HSPA9: variants seen among roughly 807,000 people sequenced by gnomAD.
HSPA9 encodes stress-70 protein, mitochondrial.
A neutral mutation model predicts 81.5 loss-of-function variants in HSPA9; 28 were observed. The observed-to-expected ratio is 0.34, with a 90% CI of 0.25 to 0.47. The LOEUF is 0.47. Among genes scored for constraint, HSPA9 ranks in the 20% least tolerant of loss-of-function variants. The pLI is 1.00. For missense variants in HSPA9, 678 were observed against 838.0 expected, an observed-to-expected ratio of 0.81 and a Z score of 2.36; for synonymous variants, 293 against 290.4, an observed-to-expected ratio of 1.01 and a Z score of -0.09.
chr5:138,559,699 A>T (rs1750611183), intron 11 of HSPA9, 165 bp downstream of exon 11: 1 of 643,098 alleles, frequency 1.6e-6, no homozygotes, highest in African/African-American at 1.8e-5. Flanking sequence ...AAAAACAAAA[A>T]ACAAAACACA....
rs1750622133 is a variant in HSPA9, at chr5:138,560,106, A to G, written c.1183-15T>C. 1.2e-6 allele frequency: 2 copies of G among 1,604,578 alleles called. No homozygotes were observed. The highest frequency in any genetic ancestry group is 4.5e-5 in the East Asian group (2 of 44,820). On this transcript the variant is annotated splice_polypyrimidine_tract_variant and intron_variant, in intron 10 of 16. Transcript: ENST00000297185. The stretch of plus-strand genomic sequence containing the variant: ...GTCTGCTGAACCTGAACATCAAGGA[A>G]AAAGAACCTGTCGGCCCACACTTGG...
intron 5 of HSPA9, among the ~76,000 whole-genome samples, chr5:138,568,096 A>G (rs767794019): frequency 6.6e-6 from 1 of 151,744 alleles, no homozygotes; most frequent in Non-Finnish European, 1.5e-5. Flanking sequence ...GAGGCGGGAG[A>G]ATTGTTTGAA....
chr5:138,572,735 T>G, intron 3 of HSPA9, among the ~76,000 whole-genome samples: 1 of 152,266 alleles, frequency 6.6e-6, no homozygotes, highest in Non-Finnish European at 1.5e-5. Flanking sequence ...CACCAAGAGA[T>G]TATTCCTTCT....
At position 138,555,842 on chromosome 5, in the gene HSPA9, C is replaced by A; in HGVS notation, c.*195G>T. On this transcript the variant is annotated 3_prime_UTR_variant, in exon 17 of 17. Transcript: ENST00000297185. ...GGCTAGGGACATAGAATATTGTGAA[C>A]TTTATACTGTTAGAATCACTGTCCA... is the stretch of plus-strand genomic sequence containing the variant. The A allele has an allele frequency of 1.6e-6, 1 of 612,754 alleles. No individual in the cohort carries two copies. Among genetic ancestry groups the A allele is most frequent in the South Asian group, 2.0e-5 (1 of 50,386 alleles). The allele number at this position is 612,754 out of a possible 1,614,324, so 38.0% of individuals were successfully genotyped here.
intron 7 of HSPA9, 135 bp downstream of exon 7, chr5:138,567,315 AAGAAT>A: frequency 2.0e-6 from 2 of 1,000,848 alleles, no homozygotes; most frequent in South Asian, 1.4e-5. Context: ...AAGAAAAGAA[AAGAAT>A]GGTTTTGAAA....
In HSPA9 at chr5:138,568,781, G is replaced by A. The variant is rs980303150; in HGVS notation, c.535+144C>T. 19 of 813,374 alleles carry A rather than the reference G, an allele frequency of 2.3e-5. No individual in the cohort carries two copies. In the Admixed American group the frequency reaches 2.6e-4, roughly 11 times the overall value. 50.4% of individuals were successfully genotyped at this position (813,374 alleles called of 1,614,324 possible). ...ATTCAATCTGCAGGGAAAGCATGAA[G>A]TATAACACAGTTTTGCCATTCCTAG... On this transcript the variant is annotated intron_variant, in intron 5 of 16. Transcript: ENST00000297185.
chr5:138,566,906 G>T (rs1750778362), intron 8 of HSPA9, 95 bp downstream of exon 8: 2 of 1,309,708 alleles, frequency 1.5e-6, no homozygotes, highest in South Asian at 1.2e-5. Context: ...AGAATAAGGG[G>T]GTTGAACTGA....
rs968561157 is a variant in HSPA9 at position 138,557,557 on chromosome 5, C to G, written c.1634-61G>C. On this transcript the variant is annotated intron_variant, in intron 13 of 16. Transcript: ENST00000297185. ...GTAAAGTTATATGCCTCTTCTTCCT[C>G]CATTGCATTAAGAGTACTCCTGCTC... The G allele has an allele frequency of 5.0e-6, 5 of 992,438 alleles. No homozygotes were observed. The African/African-American group carries it at 6.3e-5, about 13-fold the overall frequency. The allele number at this position is 992,438 out of a possible 1,614,324, so 61.5% of individuals were successfully genotyped here.
intron 9 of HSPA9, among the ~76,000 whole-genome samples, chr5:138,564,616 T>C (rs1414383797): frequency 6.6e-6 from 1 of 152,232 alleles, no homozygotes; most frequent in Non-Finnish European, 1.5e-5. Flanking sequence ...TTGCCCAGGC[T>C]GGTCCCCAAT....
At position 138,555,680 on chromosome 5, in the gene HSPA9, CTA is replaced by C; in HGVS notation, c.*355_*356del. ...CCCCATATGTGGTCTCATTTCAAGT[CTA>C]TGGATGACTACCTTCATTGCTGTGT... On this transcript the variant is annotated 3_prime_UTR_variant, in exon 17 of 17. Transcript: ENST00000297185. The C allele has an allele frequency of 2.9e-6, 1 of 343,242 alleles. No homozygotes were observed. 21.3% of individuals were successfully genotyped at this position (343,242 alleles called of 1,614,324 possible).
At position 138,555,772 on chromosome 5, in the gene HSPA9, GATCA is replaced by G. The variant is rs1750506557; in HGVS notation, c.*261_*264del. 2 of 512,146 alleles carry G rather than the reference GATCA, an allele frequency of 3.9e-6. No individual in the cohort carries two copies. Among genetic ancestry groups the G allele is most frequent in the East Asian group, 7.4e-5 (2 of 27,160 alleles). 31.7% of individuals were successfully genotyped at this position (512,146 alleles called of 1,614,324 possible). ...CATAAAATAGTTAAATCTTTATAAT[GATCA>G]ATTCATCCTACCTCCTTTTACATGC... On this transcript the variant is annotated 3_prime_UTR_variant, in exon 17 of 17. Transcript: ENST00000297185.
chr5:138,566,538 C>T, intron 9 of HSPA9, 88 bp downstream of exon 9: 1 of 979,808 alleles, frequency 1.0e-6, no homozygotes, highest in Non-Finnish European at 1.7e-6. Flanking sequence ...ACTCAACTGA[C>T]ATTAGGCCAA....
chr5:138,566,544 G>A (rs529485555), intron 9 of HSPA9, 82 bp downstream of exon 9: 44 of 1,010,072 alleles, frequency 4.4e-5, no homozygotes, highest in Non-Finnish European at 6.6e-5. Context: ...CTGACATTAG[G>A]CCAATTAGAA....
rs1750662277 is a variant in HSPA9 at position 138,561,569 on chromosome 5, C to T, written c.1182+11G>A. The T allele has an allele frequency of 6.2e-7, 1 of 1,608,690 alleles. No homozygotes were observed. The highest frequency in any genetic ancestry group is 1.7e-5 in the Admixed American group (1 of 59,922). Reference sequence around the variant, plus strand: ...CCTCTCTCTCCACGACAGAATTCCACTGGTCCATACCTTGGGCATCCTAGT... The same window carrying T: ...CCTCTCTCTCCACGACAGAATTCCATTGGTCCATACCTTGGGCATCCTAGT... On this transcript the variant is annotated intron_variant, in intron 10 of 16. Coordinates refer to ENST00000297185, the MANE Select transcript of HSPA9 (RefSeq NM_004134.7).
At chr5:138,568,627 G>C (rs933849216) in intron 5 of HSPA9, among the ~76,000 whole-genome samples, 1 of 152,152 alleles carries the variant, frequency 6.6e-6, no homozygotes, top group Admixed American at 6.5e-5. Flanking sequence ...ACTTCAAATA[G>C]GAAGTTCTAA....
chr5:138,570,893 G>C (rs1750868355), intron 4 of HSPA9, 67 bp downstream of exon 4: 1 of 1,348,650 alleles, frequency 7.4e-7, no homozygotes, highest in East Asian at 2.3e-5. Flanking sequence ...TCATCAACAT[G>C]CTGAGGCTCT....
chr5:138,559,600 A>C, intron 11 of HSPA9: 1 of 432,158 alleles, frequency 2.3e-6, no homozygotes, highest in Admixed American at 3.5e-5. Context: ...CCCTTTTAGC[A>C]AATTATGTTA....
In HSPA9 at chr5:138,556,547, C is replaced by A; in HGVS notation, c.1867G>T (p.Ala623Ser). Residue 623 changes from alanine (A) to serine (S), a missense_variant, in exon 16 of 17, where the codon GCT becomes TCT. Transcript: ENST00000297185. ...EEISKMRELL[A>S]RKDSETGENI... is the part of the protein sequence containing the mutation. ...TCTCCTGTTTCGCTGTCTTTTCTAG[C>A]CAGGAGCTCCCTCATTTTGGAAATC... is the stretch of plus-strand genomic sequence containing the variant. 1.2e-6 allele frequency: 2 copies of A among 1,614,046 alleles called. No individual in the cohort carries two copies. Among genetic ancestry groups the A allele is most frequent in the South Asian group, 2.2e-5 (2 of 91,084 alleles).
chr5:138,575,378 C>T lies in HSPA9; in HGVS notation c.-60G>A, dbSNP rs759554149. The T allele has an allele frequency of 5.0e-6, 7 of 1,412,680 alleles. No individual in the cohort carries two copies. Among genetic ancestry groups the T allele is most frequent in the East Asian group, 4.6e-5 (2 of 43,528 alleles). The allele number at this position is 1,412,680 out of a possible 1,614,324, so 87.5% of individuals were successfully genotyped here. A position where few individuals can be genotyped will look rare whatever the true frequency, so the allele number is the denominator to read the frequency against. On this transcript the variant is annotated 5_prime_UTR_variant, in exon 1 of 17. Coordinates refer to ENST00000297185, the MANE Select transcript of HSPA9 (RefSeq NM_004134.7). The stretch of plus-strand genomic sequence containing the variant: ...AGCGCTCCGACGGCAAAGAGCTGCG[C>T]GATGCGGTGGCGGCAGCGCTTCTGG...
Sources: gnomAD v4.1 joint callset for allele counts (sites outside exome capture counted in the v4.1 genomes callset) on GRCh38, gnomAD v4.1.1 for gene constraint, MANE v1.5 for transcripts, NCBI Gene and HGNC (gene_info 2026-07-23, HGNC 2026-07-21) for gene names.